NMNAT2: variants seen among roughly 807,000 people sequenced by gnomAD.
The protein encoded by NMNAT2 is nicotinamide nucleotide adenylyltransferase 2, also known as nicotinamide/nicotinic acid mononucleotide adenylyltransferase 2.
Under a neutral mutation model 41.6 loss-of-function variants are expected in NMNAT2, and 11 were observed. The observed-to-expected ratio is 0.26, with a 90% CI of 0.17 to 0.44. The LOEUF (loss-of-function observed/expected upper bound fraction) is 0.44. NMNAT2 is among the 20% of genes least tolerant of loss of function. NMNAT2 has a pLI of 1.00. For synonymous variants in NMNAT2, 148 were observed against 151.2 expected (o/e 0.98, Z 0.16); for missense variants, 288 against 407.7 (o/e 0.71, Z 2.53).
chr1:183,261,923 ATT>A lies in NMNAT2; in HGVS notation c.652-622_652-621del, dbSNP rs5779161. Among the ~76,000 whole-genome samples the A allele has an allele frequency of 2.1e-3, 308 of 149,990 alleles. 4 individuals are homozygous for A. The highest frequency in any genetic ancestry group is 6.2e-3 in the African/African-American group (255 of 40,908). On this transcript the variant is annotated intron_variant, in intron 8 of 10. Coordinates refer to ENST00000287713, the MANE Select transcript of NMNAT2 (RefSeq NM_015039.4). The stretch of plus-strand genomic sequence containing the variant: ...AGCTCAGTGCCATGTGAGAAATGAA[ATT>A]TTTTTTTTTTCTTTTTTTGAGGCAT...
intron 1 of NMNAT2, among the ~76,000 whole-genome samples, chr1:183,370,033 G>A (rs547933914): frequency 5.3e-4 from 80 of 152,088 alleles, no homozygotes; most frequent in African/African-American, 1.8e-3. Flanking sequence ...GACCCTCCAA[G>A]GAGAGGAAAA....
rs200190364 is a variant in NMNAT2 at position 183,252,719 on chromosome 1, G to A, written c.846C>T (p.Gly282=). The A allele has an allele frequency of 1.9e-6, 3 of 1,614,006 alleles. No homozygotes were observed. Among genetic ancestry groups the A allele is most frequent in the Non-Finnish European group, 1.7e-6 (2 of 1,179,926 alleles). Residue 282 remains glycine (G), a synonymous_variant, in exon 11 of 11, where the codon GGC becomes GGT. Transcript: ENST00000287713. ...KSRLALQHGD[G]HVVDYLSQPV... ...GCTGGGACAGGTAATCCACAACATGGCCGTCCCCATGCTGCAGGGCCAGCC... is the reference window on the plus strand; with the variant it reads ...GCTGGGACAGGTAATCCACAACATGACCGTCCCCATGCTGCAGGGCCAGCC...
intron 1 of NMNAT2, among the ~76,000 whole-genome samples, chr1:183,371,745 G>A (rs890407853): frequency 8.5e-5 from 13 of 152,152 alleles, no homozygotes; most frequent in African/African-American, 3.1e-4. Flanking sequence ...TGCTTCCCAA[G>A]TACCTTCTTT....
chr1:183,379,092 A>ATCTATATCTATATCTATATCTATCTAT (rs142685154), intron 1 of NMNAT2, among the ~76,000 whole-genome samples: 1 of 115,246 alleles, frequency 8.7e-6, no homozygotes, highest in Admixed American at 9.0e-5. Flanking sequence ...CTATATCTAT[A>ATCTATATCTATATCTATATCTATCTAT]ATCTATAATC....
chr1:183,403,544 C>A (rs1331228468), intron 1 of NMNAT2, among the ~76,000 whole-genome samples: 2 of 152,002 alleles, frequency 1.3e-5, no homozygotes, highest in African/African-American at 4.8e-5. Context: ...CTTCCATCCA[C>A]TTTGAGAGCT....
intron 1 of NMNAT2, among the ~76,000 whole-genome samples, chr1:183,389,627 T>G (rs1203737925): frequency 2.0e-5 from 3 of 151,074 alleles, no homozygotes; most frequent in Non-Finnish European, 4.4e-5. Flanking sequence ...TCCCAGCTAC[T>G]TGGGAGGCTG....
intron 1 of NMNAT2, among the ~76,000 whole-genome samples, chr1:183,306,826 G>C (rs1291352174): frequency 1.3e-5 from 2 of 152,184 alleles, no homozygotes; most frequent in Non-Finnish European, 2.9e-5. Context: ...CCAGCTGGGT[G>C]ACCTTGGGTA....
chr1:183,323,367 C>A (rs1662396426), intron 1 of NMNAT2, among the ~76,000 whole-genome samples: 1 of 152,168 alleles, frequency 6.6e-6, no homozygotes, highest in Non-Finnish European at 1.5e-5. Flanking sequence ...TTTCACCCTT[C>A]ACCCTCATAT....
chr1:183,411,295 T>C (rs1649110045), intron 1 of NMNAT2, among the ~76,000 whole-genome samples: 1 of 152,218 alleles, frequency 6.6e-6, no homozygotes, highest in South Asian at 2.1e-4. Flanking sequence ...AGGAATCTAA[T>C]ATCTCACTCA....
At chr1:183,416,894 C>A (rs1477704526) in intron 1 of NMNAT2, among the ~76,000 whole-genome samples, 1 of 152,154 alleles carries the variant, frequency 6.6e-6, no homozygotes, top group Non-Finnish European at 1.5e-5. Flanking sequence ...CGGATAAACA[C>A]GTGTGCCCGC....
intron 1 of NMNAT2, among the ~76,000 whole-genome samples, chr1:183,349,231 C>A (rs1188426671): frequency 6.6e-6 from 1 of 152,240 alleles, no homozygotes; most frequent in Admixed American, 6.5e-5. Flanking sequence ...TAACACCATT[C>A]TGCATGATGG....
At chr1:183,324,055 G>A (rs1365371044) in intron 1 of NMNAT2, among the ~76,000 whole-genome samples, 4 of 152,208 alleles carry the variant, frequency 2.6e-5, no homozygotes, top group Non-Finnish European at 4.4e-5. Context: ...GTGAGTCAGG[G>A]TGGATGACTC....
At position 183,250,086 on chromosome 1, in the gene NMNAT2, G is replaced by A. The variant is rs373384792; in HGVS notation, c.*2555C>T. The A allele has an allele frequency of 6.6e-6, 1 of 152,104 alleles. No individual in the cohort carries two copies. The highest frequency in any genetic ancestry group is 1.9e-4 in the East Asian group (1 of 5,180). 9.4% of individuals were successfully genotyped at this position (152,104 alleles called of 1,614,324 possible). On this transcript the variant is annotated 3_prime_UTR_variant, in exon 11 of 11. Transcript: ENST00000287713. ...GCCTTCCTCAGGTCTGCTCACGTGG[G>A]TCCCATAAATTCCATCCATAACTCC...
At chr1:183,293,620 G>GGGGGCAGTTTT (rs1557869199) in intron 2 of NMNAT2, 85 bp downstream of exon 2, 6 of 934,244 alleles carry the variant, frequency 6.4e-6, no homozygotes, top group Non-Finnish European at 1.1e-5. Flanking sequence ...GAGACAGAGC[G>GGGGGCAGTTTT]GGGGCAGTTT....
At chr1:183,388,981 G>A (rs757641327) in intron 1 of NMNAT2, among the ~76,000 whole-genome samples, 7 of 152,170 alleles carry the variant, frequency 4.6e-5, no homozygotes, top group Non-Finnish European at 7.3e-5. Flanking sequence ...GCAAACACAC[G>A]TCATGGAGCA....
chr1:183,346,251 C>T (rs538794587), intron 1 of NMNAT2, among the ~76,000 whole-genome samples: 1 of 152,140 alleles, frequency 6.6e-6, no homozygotes, highest in South Asian at 2.1e-4. Flanking sequence ...CTGATCTCAC[C>T]TTCAGGGTCA....
chr1:183,308,191 T>C (rs947838781), intron 1 of NMNAT2, among the ~76,000 whole-genome samples: 1 of 152,228 alleles, frequency 6.6e-6, no homozygotes, highest in Admixed American at 6.5e-5. Context: ...CCCAGAGGTA[T>C]GATCCCAGGG....
chr1:183,285,932 G>A (rs588492), intron 5 of NMNAT2, among the ~76,000 whole-genome samples: 93,235 of 151,956 alleles, frequency 0.61, 28,875 homozygotes, highest in African/African-American at 0.64. Flanking sequence ...TTCTGGGTGC[G>A]GACCGCCTGG....
rs898571843 is a variant in NMNAT2 at position 183,337,036 on chromosome 1, G to A, written c.86-43243C>T. On this transcript the variant is annotated intron_variant, in intron 1 of 10. Coordinates refer to ENST00000287713, the MANE Select transcript of NMNAT2 (RefSeq NM_015039.4). ...CAAAAATCAGAATAGCTGCCTACAG[G>A]GAATAAGGACTGCCTGGAAGGGAGC... Among the ~76,000 whole-genome samples the A allele has an allele frequency of 8.5e-5, 13 of 152,256 alleles. No homozygotes were observed. In the South Asian group the frequency reaches 1.5e-3, roughly 17 times the overall value.
Sources: allele counts gnomAD v4.1 joint callset (sites outside exome capture counted in the v4.1 genomes callset), GRCh38; gene constraint gnomAD v4.1.1; transcripts MANE v1.5; gene names NCBI Gene and HGNC (gene_info 2026-07-23, HGNC 2026-07-21).